CACNA1S: variants seen among roughly 807,000 people sequenced by gnomAD.
CACNA1S encodes voltage-dependent L-type calcium channel subunit alpha-1S.
A neutral mutation model predicts 207.4 loss-of-function variants in CACNA1S; 126 were observed. That is an observed-to-expected ratio of 0.61 (90% CI 0.53 to 0.70). The LOEUF (loss-of-function observed/expected upper bound fraction) is 0.70. Among genes scored for constraint, CACNA1S ranks in the 30% least tolerant of loss-of-function variants. The probability of loss-of-function intolerance (pLI) is 0.00; values close to 1 mark genes in which losing one functional copy is unlikely to be tolerated. For missense variants in CACNA1S, 2,349 were observed against 2,422.8 expected (o/e 0.97, Z 0.64); for synonymous variants, 960 against 932.7 (o/e 1.03, Z -0.53).
chr1:201,058,499 G>C lies in CACNA1S; in HGVS notation c.3526-8C>G. On this transcript the variant is annotated splice_region_variant and splice_polypyrimidine_tract_variant and intron_variant, in intron 27 of 43. Transcript: ENST00000362061. ...GGGGTCTCCAAAGTAGCCCTGGGAA[G>C]GAAAAGGATGGGAAAGCGAGGGGGT... 1.9e-6 allele frequency: 3 copies of C among 1,609,638 alleles called. No individual in the cohort carries two copies. The highest frequency in any genetic ancestry group is 2.6e-6 in the Non-Finnish European group (3 of 1,175,950).
intron 39 of CACNA1S, among the ~76,000 whole-genome samples, chr1:201,043,880 A>T (rs188336880): frequency 2.8e-4 from 42 of 152,136 alleles, no homozygotes; most frequent in Middle Eastern, 3.4e-3. Flanking sequence ...GACATCTCAC[A>T]TGATCTCTGT....
At position 201,040,361 on chromosome 1, in the gene CACNA1S, T is replaced by A; in HGVS notation, c.5240A>T (p.Glu1747Val). ...PPAPCQCPRV[E>V]SSMPEDRKSS... ...CTTTCTGTCCTCAGGCATGGAGGAC[T>A]CCACCCTGGGGCACTGTTCCAAAGG... The change falls in exon 43 of 44, where the codon GAG becomes GTG. Residue 1747 changes from glutamate (E) to valine (V), a missense_variant. Physicochemically the swap from Glu to Val is moderately radical, Grantham distance 121 (BLOSUM62 -2). Coordinates refer to ENST00000362061, the MANE Select transcript of CACNA1S (RefSeq NM_000069.3). The A allele has an allele frequency of 1.2e-6, 2 of 1,613,544 alleles. No homozygotes were observed. Among genetic ancestry groups the A allele is most frequent in the Non-Finnish European group, 1.7e-6 (2 of 1,179,946 alleles).
chr1:201,096,097 C>G (rs1662416396), intron 2 of CACNA1S, among the ~76,000 whole-genome samples: 1 of 152,226 alleles, frequency 6.6e-6, no homozygotes, highest in African/African-American at 2.4e-5. Context: ...GCCATGAACA[C>G]CGGAGAACTG....
At chr1:201,062,899 C>G (rs1363954107) in intron 22 of CACNA1S, among the ~76,000 whole-genome samples, 2 of 152,242 alleles carry the variant, frequency 1.3e-5, no homozygotes, top group African/African-American at 2.4e-5. Flanking sequence ...TTACCTCCCG[C>G]ACTGCTGCAG....
At chr1:201,079,210 G>A (rs1023787759) in intron 10 of CACNA1S, among the ~76,000 whole-genome samples, 3 of 150,572 alleles carry the variant, frequency 2.0e-5, no homozygotes, top group East Asian at 1.9e-4. Flanking sequence ...TCAAACTCCC[G>A]AAAGTTGTCT....
intron 3 of CACNA1S, 111 bp from the exon 4 acceptor site, chr1:201,092,225 G>A: frequency 3.5e-6 from 4 of 1,155,950 alleles, no homozygotes; most frequent in Admixed American, 1.9e-5. Context: ...AAAGGCCTAG[G>A]GGAGAGACGG....
At chr1:201,070,178 T>C (rs1240018180) in intron 17 of CACNA1S, 94 bp downstream of exon 17, 2 of 1,337,168 alleles carry the variant, frequency 1.5e-6, no homozygotes, top group Non-Finnish European at 2.1e-6. Flanking sequence ...ATAGTATAAC[T>C]GTAGGCATGG....
At chr1:201,070,243 C>G (rs1187787700) in intron 17 of CACNA1S, 29 bp downstream of exon 17, 23 of 1,613,350 alleles carry the variant, frequency 1.4e-5, no homozygotes, top group Non-Finnish European at 1.9e-5. Flanking sequence ...CCGCATCAAT[C>G]ACCCCCACAG....
chr1:201,068,647 C>T (rs1023511643), intron 19 of CACNA1S, among the ~76,000 whole-genome samples: 8 of 151,592 alleles, frequency 5.3e-5, no homozygotes, highest in East Asian at 2.0e-4. Flanking sequence ...CTGAGGTGGG[C>T]GGATCACAAG....
rs1458021031 is a variant in CACNA1S, at chr1:201,041,596, T to G, written c.5049-7A>C. The G allele has an allele frequency of 1.2e-6, 2 of 1,606,250 alleles. No individual in the cohort carries two copies. The highest frequency in any genetic ancestry group is 4.5e-5 in the East Asian group (2 of 44,848). On this transcript the variant is annotated splice_polypyrimidine_tract_variant and splice_region_variant and intron_variant, in intron 40 of 43. Coordinates refer to ENST00000362061, the MANE Select transcript of CACNA1S (RefSeq NM_000069.3). ...CTCCCTTTCATAGTGGACACTGAAA[T>G]GGAAGCAAGGCTGGGTGAACCAGAG...
chr1:201,056,675 G>A (rs1258926139), intron 28 of CACNA1S, among the ~76,000 whole-genome samples: 2 of 152,180 alleles, frequency 1.3e-5, no homozygotes, highest in African/African-American at 4.8e-5. Context: ...CTGACTCTCG[G>A]ATCTTCTCCA....
In CACNA1S at chr1:201,072,779, G is replaced by C. The variant is rs780628134; in HGVS notation, c.2203C>G (p.Pro735Ala). Residue 735 changes from proline to alanine, a missense_variant, in exon 16 of 44, where the codon CCC becomes GCC. Coordinates refer to ENST00000362061, the MANE Select transcript of CACNA1S (RefSeq NM_000069.3). Reference sequence around the variant, plus strand: ...CCTGGGAAGTCGGCTGAGGGGTAGGGATCCTTCACCTCATTGACATTAGAT... The same window carrying C: ...CCTGGGAAGTCGGCTGAGGGGTAGGCATCCTTCACCTCATTGACATTAGAT... ...FESNVNEVKD[P>A]YPSADFPGDD... The C allele has an allele frequency of 3.1e-6, 5 of 1,613,578 alleles. No homozygotes were observed. Among genetic ancestry groups the C allele is most frequent in the Non-Finnish European group, 8.5e-7 (1 of 1,179,692 alleles).
chr1:201,108,988 C>A (rs1452017169), intron 2 of CACNA1S, among the ~76,000 whole-genome samples: 2 of 152,224 alleles, frequency 1.3e-5, no homozygotes, highest in East Asian at 1.9e-4. Context: ...TGGCTCACAC[C>A]TATAATCACA....
intron 13 of CACNA1S, 52 bp downstream of exon 13, chr1:201,075,443 T>TCCCCCACCCCCC: frequency 6.3e-7 from 1 of 1,597,920 alleles, no homozygotes; most frequent in Non-Finnish European, 8.6e-7. Flanking sequence ...TTAAGCCCTT[T>TCCCCCACCCCCC]CCCCCACCCC....
At chr1:201,068,527 G>A (rs1216016885) in intron 19 of CACNA1S, among the ~76,000 whole-genome samples, 3 of 150,766 alleles carry the variant, frequency 2.0e-5, no homozygotes, top group African/African-American at 7.3e-5. Context: ...ACAGGCGTGA[G>A]CCACTGCGCC....
rs377474103 is a variant in CACNA1S at position 201,048,683 on chromosome 1, C to T, written c.4340G>A (p.Arg1447Gln). 247 of 1,612,958 alleles carry T rather than the reference C, an allele frequency of 1.5e-4. No individual in the cohort carries two copies. The highest frequency in any genetic ancestry group is 1.9e-4 in the Non-Finnish European group (230 of 1,179,610). Residue 1447 changes from arginine to glutamine, a missense_variant and splice_region_variant, in exon 36 of 44, where the codon CGG becomes CAG. Physicochemically the swap from Arg to Gln is conservative, Grantham distance 43 (BLOSUM62 1). Coordinates refer to ENST00000362061, the MANE Select transcript of CACNA1S (RefSeq NM_000069.3). ...CAGGGGCATGTTCATGCCCACCAGC[C>T]GCTGTACAGGGAGACGCAGTGGCCT... ...KFCPHRVACK[R>Q]LVGMNMPLNS...
Position 201,110,273 on chromosome 1 carries a change from G to A in CACNA1S, c.153-4C>T, listed in dbSNP as rs1386053766. ...CAAGATGATCGTCTCGAAGGGCCTG[G>A]AGCCAGGGTTAAGGAGAGCCCTCGA... is the stretch of plus-strand genomic sequence containing the variant. On this transcript the variant is annotated splice_polypyrimidine_tract_variant and splice_region_variant and intron_variant, in intron 1 of 43. Transcript: ENST00000362061. 1 of 1,614,088 alleles carries A rather than the reference G, an allele frequency of 6.2e-7. No homozygotes were observed. The highest frequency in any genetic ancestry group is 1.7e-5 in the Admixed American group (1 of 60,034).
Position 201,053,293 on chromosome 1 carries a change from C to A in CACNA1S, c.3796-19G>T. 1.9e-6 allele frequency: 3 copies of A among 1,611,884 alleles called. No homozygotes were observed. Among genetic ancestry groups the A allele is most frequent in the African/African-American group, 1.3e-5 (1 of 74,304 alleles). On this transcript the variant is annotated intron_variant, in intron 30 of 43. Transcript: ENST00000362061. The surrounding 1 kb of genome is among the most constrained non-coding windows in gnomAD (Gnocchi z 5.1). ...GTAGGGCCTGCAGGGCGGGCGGGAG[C>A]GCCAGTCAGTGTCTTAGGGCTCCAC...
In CACNA1S at chr1:201,054,514, G is replaced by A. The variant is rs376781102; in HGVS notation, c.3657C>T (p.Cys1219=). 78 of 1,613,642 alleles carry A rather than the reference G, an allele frequency of 4.8e-5. No homozygotes were observed. The highest frequency in any genetic ancestry group is 3.3e-4 in the Middle Eastern group (2 of 6,038). Residue 1219 remains cysteine (C), a synonymous_variant, in exon 29 of 44, where the codon TGC becomes TGT. Coordinates refer to ENST00000362061, the MANE Select transcript of CACNA1S (RefSeq NM_000069.3). ...TGCAGCCTGAAATTACAACGTTCCC[G>A]CAGCCTCCACCCAGGCAATACAGTC... ...SGGLYCLGGG[C]GNVDPDESAR... is the part of the protein sequence containing the mutation.
Sources: gnomAD v4.1 joint callset for allele counts (sites outside exome capture counted in the v4.1 genomes callset) on GRCh38, gnomAD v4.1.1 for gene constraint, Gnocchi (gnomAD v3.1) non-coding constraint, MANE v1.5 for transcripts, NCBI Gene and HGNC (gene_info 2026-07-23, HGNC 2026-07-21) for gene names.